The following AKAP1 variants were observed in gnomAD, a reference collection of about 807,000 sequenced individuals.
AKAP1 encodes the protein A-kinase anchor protein 1, mitochondrial.
Under a neutral mutation model 79.8 loss-of-function variants are expected in AKAP1, and 32 were observed. The ratio of observed to expected loss-of-function variants is 0.40; its 90% CI spans 0.30 to 0.54. AKAP1 has a LOEUF of 0.54. Among genes scored for constraint, AKAP1 ranks in the 20% least tolerant of loss-of-function variants. The pLI is 0.47. For missense variants in AKAP1, 961 were observed against 1,138.9 expected (o/e 0.84, Z 2.25); for synonymous variants, 416 against 466.7 (o/e 0.89, Z 1.40).
At chr17:57,100,978 A>G (rs1399683985) in intron 1 of AKAP1, among the ~76,000 whole-genome samples, 1 of 152,088 alleles carries the variant, frequency 6.6e-6, no homozygotes, top group African/African-American at 2.4e-5. Flanking sequence ...GCGGTGAGCC[A>G]AGATCACACC....
At chr17:57,097,249 C>A (rs886389092) in intron 1 of AKAP1, among the ~76,000 whole-genome samples, 1 of 152,144 alleles carries the variant, frequency 6.6e-6, no homozygotes, top group African/African-American at 2.4e-5. Context: ...TTTGAGAAAG[C>A]CTTCCTGGGC....
Position 57,105,867 on chromosome 17 carries a change from C to G in AKAP1, c.403C>G (p.Leu135Val). 1 of 1,614,244 alleles carries G rather than the reference C, an allele frequency of 6.2e-7. No homozygotes were observed. The highest frequency in any genetic ancestry group is 1.1e-5 in the South Asian group (1 of 91,088). ...TGACAGTACAAAGCTGGAGCTAGCC[C>G]TGACAGGTGGTGAAGCCAAATCGAT... ...RDDSTKLELALTGGEAKSIPL... is the reference protein window; with the variant it reads ...RDDSTKLELAVTGGEAKSIPL... Residue 135 changes from leucine to valine, a missense_variant, in exon 2 of 11, where the codon CTG (leucine) becomes GTG (valine). Transcript: ENST00000337714.
chr17:57,099,588 T>G (rs1014565617), intron 1 of AKAP1, among the ~76,000 whole-genome samples: 2 of 152,160 alleles, frequency 1.3e-5, no homozygotes, highest in African/African-American at 4.8e-5. Context: ...AAACCATGTT[T>G]TCCAGGCAGT....
Position 57,086,434 on chromosome 17 carries a change from C to T in AKAP1, c.-25+1036C>T. The T allele has an allele frequency of 2.2e-6, 1 of 456,384 alleles. No individual in the cohort carries two copies. The highest frequency in any genetic ancestry group is 1.5e-5 in the South Asian group (1 of 64,560). 28.3% of individuals were successfully genotyped at this position (456,384 alleles called of 1,614,324 possible). A position where few individuals can be genotyped will look rare whatever the true frequency, so the allele number is the denominator to read the frequency against. ...GCGGTGCTGTGGCGACTCGGAACGG[C>T]ATGGGAGCCCTGGGCGTTTCGGGAT... On this transcript the variant is annotated intron_variant, in intron 1 of 10. Transcript: ENST00000337714. This position sits in a 1 kb window ranked among gnomAD's most constrained non-coding sequence, Gnocchi z 5.1.
At chr17:57,110,649 C>A (rs1165731305) in intron 3 of AKAP1, among the ~76,000 whole-genome samples, 2 of 152,184 alleles carry the variant, frequency 1.3e-5, no homozygotes, top group East Asian at 3.8e-4. Flanking sequence ...CTGTGAAAGA[C>A]TTTTATTTCC....
chr17:57,116,245 G>A lies in AKAP1; in HGVS notation c.2416G>A (p.Val806Met), dbSNP rs779536650. The A allele has an allele frequency of 2.5e-5, 41 of 1,614,016 alleles. No individual in the cohort carries two copies. The highest frequency in any genetic ancestry group is 3.0e-5 in the Non-Finnish European group (35 of 1,180,028). Residue 806 changes from valine (V) to methionine (M), a missense_variant, in exon 7 of 11, where the codon GTG becomes ATG. By Grantham distance (21) the Val-to-Met change is conservative (BLOSUM62 1). Around this residue, in one of 3 missense-constraint regions of AKAP1, gnomAD observed 629 missense variants for 781.1 expected, o/e 0.81. Coordinates refer to ENST00000337714, the MANE Select transcript of AKAP1 (RefSeq NM_003488.4). ...YGGYKRVKVD[V>M]LRQIRSDFVT... ...CGGATATAAGAGGGTGAAAGTAGAC[G>A]TGCTCCGGCAAATCAGGTGAGCGGA...
rs575480014 is a variant in AKAP1, at chr17:57,086,431, C to T, written c.-25+1033C>T. On this transcript the variant is annotated intron_variant, in intron 1 of 10. Transcript: ENST00000337714. This position sits in a 1 kb window ranked among gnomAD's most constrained non-coding sequence, Gnocchi z 5.1. ...TAGGCGGTGCTGTGGCGACTCGGAA[C>T]GGCATGGGAGCCCTGGGCGTTTCGG... 69 of 456,290 alleles carry T rather than the reference C, an allele frequency of 1.5e-4. No homozygotes were observed. Among genetic ancestry groups the T allele is most frequent in the South Asian group, 1.2e-4 (8 of 64,566 alleles). 28.3% of individuals were successfully genotyped at this position (456,290 alleles called of 1,614,324 possible). A position where few individuals can be genotyped will look rare whatever the true frequency, so the allele number is the denominator to read the frequency against.
At chr17:57,087,193 CA>C (rs1245444316) in intron 1 of AKAP1, among the ~76,000 whole-genome samples, 2 of 152,212 alleles carry the variant, frequency 1.3e-5, no homozygotes, top group Non-Finnish European at 2.9e-5. Flanking sequence ...TGTCTTCATG[CA>C]TGTTGTCAGA....
In AKAP1 at chr17:57,121,205, T is replaced by C. The variant is rs1445217485; in HGVS notation, c.*881T>C. ...ACTGTGATCTGGGAACTTTTTGCTGTACAAATCTGTTTAAAAAAAAAAAAA... is the reference window on the plus strand; with the variant it reads ...ACTGTGATCTGGGAACTTTTTGCTGCACAAATCTGTTTAAAAAAAAAAAAA... On this transcript the variant is annotated 3_prime_UTR_variant, in exon 11 of 11. Coordinates refer to ENST00000337714, the MANE Select transcript of AKAP1 (RefSeq NM_003488.4). The C allele has an allele frequency of 6.6e-6, 1 of 151,558 alleles. No individual in the cohort carries two copies. The highest frequency in any genetic ancestry group is 6.6e-5 in the Admixed American group (1 of 15,236). The allele number at this position is 151,558 out of a possible 1,614,324, so 9.4% of individuals were successfully genotyped here.
In AKAP1 at chr17:57,119,830, C is replaced by CTTTTTTTT. The variant is rs3054874; in HGVS notation, c.2638-407_2638-400dup. On this transcript the variant is annotated intron_variant, in intron 10 of 10. Transcript: ENST00000337714. ...AAGCCATGTCCCCCACCCTGTTACTCTTTTTTTTTTTTTTTTTTTTGAGAC... is the reference window on the plus strand; with the variant it reads ...AAGCCATGTCCCCCACCCTGTTACTCTTTTTTTTTTTTTTTTTTTTTTTTTTTTGAGAC... Among the ~76,000 whole-genome samples, 507 of 70,290 alleles carry CTTTTTTTT rather than the reference C, an allele frequency of 7.2e-3. 142 individuals carry two copies. The highest frequency in any genetic ancestry group is 0.03 in the African/African-American group (451 of 15,276). 46.1% of individuals were successfully genotyped at this position (70,290 alleles called of 152,430 possible).
chr17:57,106,010 C>T lies in AKAP1; in HGVS notation c.546C>T (p.Tyr182=), dbSNP rs775916788. Residue 182 remains tyrosine (Y), a synonymous_variant, in exon 2 of 11, where the codon TAC becomes TAT. Coordinates refer to ENST00000337714, the MANE Select transcript of AKAP1 (RefSeq NM_003488.4). The part of the protein sequence containing the change: ...SRVPRKVQPG[Y]PVVPAEKRSS... ...TGCCAAGGAAGGTCCAGCCAGGCTA[C>T]CCCGTAGTCCCCGCAGAGAAGCGTA... 2 of 1,613,650 alleles carry T rather than the reference C, an allele frequency of 1.2e-6. No homozygotes were observed. The highest frequency in any genetic ancestry group is 1.1e-5 in the South Asian group (1 of 91,078).
chr17:57,104,284 C>T (rs192462274), intron 1 of AKAP1, among the ~76,000 whole-genome samples: 46 of 152,274 alleles, frequency 3.0e-4, no homozygotes, highest in Non-Finnish European at 5.7e-4. Context: ...ACTTTTCATC[C>T]TGTTCCCAGA....
chr17:57,106,262 G>C lies in AKAP1; in HGVS notation c.798G>C (p.Lys266Asn), dbSNP rs199917185. 2.2e-5 allele frequency: 36 copies of C among 1,614,212 alleles called. No individual in the cohort carries two copies. The Middle Eastern group carries it at 6.6e-4, about 30-fold the overall frequency. ...AGGAGGAAGAGTATGTAGCAGAGAA[G>C]TTGCCAAGTAGGTTCATCGAGTCGG... ...PVQEEEYVAE[K>N]LPSRFIESAH... Residue 266 changes from lysine (K) to asparagine (N), a missense_variant, in exon 2 of 11, where the codon AAG (lysine) becomes AAC (asparagine). Lys to Asn is a moderately conservative substitution (Grantham distance 94). This residue lies in a region of AKAP1 where 224 missense variants were observed against 210.2 expected (regional missense o/e 1.07). Coordinates refer to ENST00000337714, the MANE Select transcript of AKAP1 (RefSeq NM_003488.4).
intron 6 of AKAP1, among the ~76,000 whole-genome samples, chr17:57,115,373 G>A (rs1185088765): frequency 6.6e-6 from 1 of 152,188 alleles, no homozygotes; most frequent in Non-Finnish European, 1.5e-5. Flanking sequence ...CCTTAACCCA[G>A]CAGTAAAGAC....
At chr17:57,108,623 A>C (rs1210620717) in intron 2 of AKAP1, among the ~76,000 whole-genome samples, 1 of 152,142 alleles carries the variant, frequency 6.6e-6, no homozygotes, top group African/African-American at 2.4e-5. Context: ...AAATGAGGTA[A>C]TACTGTCCAC....
chr17:57,112,125 C>A (rs545028787), intron 4 of AKAP1, among the ~76,000 whole-genome samples: 1 of 152,240 alleles, frequency 6.6e-6, no homozygotes, highest in East Asian at 1.9e-4. Context: ...CTACTCTGAT[C>A]TTTGGCCAGG....
At position 57,106,709 on chromosome 17, in the gene AKAP1, G is replaced by T; in HGVS notation, c.1245G>T (p.Pro415=). 6.2e-7 allele frequency: 1 copy of T among 1,613,964 alleles called. No individual in the cohort carries two copies. The highest frequency in any genetic ancestry group is 1.1e-5 in the South Asian group (1 of 91,084). The part of the protein sequence containing the change: ...PATAEAAVAP[P]DAGLPLPGLP... ...CAGCAGAGGCAGCTGTTGCCCCGCC[G>T]GATGCTGGCCTCCCCTTGCCAGGCC... The change falls in exon 2 of 11, where the codon CCG becomes CCT. Residue 415 remains proline, a synonymous_variant. Coordinates refer to ENST00000337714, the MANE Select transcript of AKAP1 (RefSeq NM_003488.4).
chr17:57,119,514 G>A (rs1056002383), intron 10 of AKAP1, among the ~76,000 whole-genome samples: 1 of 152,058 alleles, frequency 6.6e-6, no homozygotes, highest in East Asian at 1.9e-4. Context: ...AGGAGTTTGA[G>A]ACCAGCCTGG....
chr17:57,106,975 C>T lies in AKAP1; in HGVS notation c.1511C>T (p.Pro504Leu), dbSNP rs1394071865. The change falls in exon 2 of 11, where the codon CCA becomes CTA. Residue 504 changes from proline to leucine, a missense_variant. Pro to Leu is a moderately conservative substitution (Grantham distance 98). Coordinates refer to ENST00000337714, the MANE Select transcript of AKAP1 (RefSeq NM_003488.4). ...SSQSVPLVAS[P>L]GHCSDSFSTS... ...CAAAGTGTCCCTTTGGTGGCTTCTC[C>T]AGGACACTGCTCAGATTCTTTCAGC... 6 of 1,614,070 alleles carry T rather than the reference C, an allele frequency of 3.7e-6. No individual in the cohort carries two copies. The highest frequency in any genetic ancestry group is 5.1e-6 in the Non-Finnish European group (6 of 1,180,024).
Sources: gnomAD v4.1 joint callset for allele counts (sites outside exome capture counted in the v4.1 genomes callset) on GRCh38, gnomAD v4.1.1 for gene constraint, gnomAD v4.1.1 regional missense constraint, Gnocchi (gnomAD v3.1) non-coding constraint, MANE v1.5 for transcripts, NCBI Gene and HGNC (gene_info 2026-07-23, HGNC 2026-07-21) for gene names.